NR1H4: variants seen among roughly 807,000 people sequenced by gnomAD.
NR1H4 encodes bile acid receptor.
NR1H4 carries 23 observed loss-of-function variants against 58.5 expected under a neutral mutation model. The observed-to-expected ratio is 0.39, with a 90% CI of 0.28 to 0.56. The LOEUF (loss-of-function observed/expected upper bound fraction) is 0.56, where lower values mean the gene tolerates loss of function less well. NR1H4 is among the 20% of genes least tolerant of loss of function. The probability of loss-of-function intolerance (pLI) is 0.58; values close to 1 mark genes in which losing one functional copy is unlikely to be tolerated. For synonymous variants in NR1H4, 214 were observed against 198.0 expected (o/e 1.08, Z -0.68); for missense variants, 487 against 576.9 (o/e 0.84, Z 1.60).
intron 1 of NR1H4, among the ~76,000 whole-genome samples, chr12:100,477,324 G>A (rs1566423206): frequency 6.6e-6 from 1 of 151,486 alleles, no homozygotes; most frequent in Non-Finnish European, 1.5e-5. Flanking sequence ...AATATAACAG[G>A]GTTCTGGTGA....
At chr12:100,528,360 C>T (rs1654467891) in intron 4 of NR1H4, among the ~76,000 whole-genome samples, 3 of 151,202 alleles carry the variant, frequency 2.0e-5, no homozygotes, top group Admixed American at 2.0e-4. Flanking sequence ...GAGTGAGGCT[C>T]CATCTGGGAA....
chr12:100,498,367 G>A (rs553493374), intron 3 of NR1H4, among the ~76,000 whole-genome samples: 3 of 152,166 alleles, frequency 2.0e-5, no homozygotes, highest in Non-Finnish European at 4.4e-5. Context: ...GGCTGGGCGC[G>A]GGGGCTCATG....
intron 9 of NR1H4, among the ~76,000 whole-genome samples, chr12:100,557,844 G>T (rs1343614860): frequency 1.3e-5 from 2 of 152,102 alleles, no homozygotes; most frequent in Non-Finnish European, 2.9e-5. Context: ...TTTAACTCTG[G>T]ATCTGGTTTG....
chr12:100,546,111 C>T (rs567902136), intron 9 of NR1H4, among the ~76,000 whole-genome samples: 8 of 152,266 alleles, frequency 5.3e-5, no homozygotes, highest in African/African-American at 1.9e-4. Context: ...GTCCTCAGCA[C>T]TCACAGGGCG....
chr12:100,493,460 T>C lies in NR1H4; in HGVS notation c.79+58T>C, dbSNP rs1953647047. The C allele has an allele frequency of 8.1e-6, 7 of 861,170 alleles. No individual in the cohort carries two copies. In the South Asian group the frequency reaches 8.5e-5, roughly 10 times the overall value. The allele number at this position is 861,170 out of a possible 1,614,324, so 53.3% of individuals were successfully genotyped here. A position where few individuals can be genotyped will look rare whatever the true frequency, so the allele number is the denominator to read the frequency against. On this transcript the variant is annotated intron_variant, in intron 3 of 10. Transcript: ENST00000392986. ...GAACAAACTACGATTTGGAAATACA[T>C]GAGGAAATGCCTAGATGATGAGTCC...
At chr12:100,503,429 T>C (rs777402336) in intron 3 of NR1H4, 3 of 1,597,628 alleles carry the variant, frequency 1.9e-6, no homozygotes, top group Non-Finnish European at 2.5e-6. Flanking sequence ...CAATTCAAAT[T>C]AGTCCTCACT....
At chr12:100,556,593 G>T (rs35735) in intron 9 of NR1H4, among the ~76,000 whole-genome samples, 80,181 of 151,890 alleles carry the variant, frequency 0.53, 21,884 homozygotes, top group Non-Finnish European at 0.61. Flanking sequence ...CTTAAAGCAG[G>T]TTACCCATGA....
chr12:100,525,507 A>G (rs1954533059), intron 4 of NR1H4: 2 of 152,346 alleles, frequency 1.3e-5, no homozygotes, highest in South Asian at 2.1e-4. Context: ...CCTAATCTTT[A>G]TAATGAAATC....
At position 100,513,803 on chromosome 12, in the gene NR1H4, AG is replaced by A. The variant is rs1455649476; in HGVS notation, c.445+2662del. 5.7e-3 allele frequency among the ~76,000 whole-genome samples: 19 copies of A among 3,354 alleles called. No individual in the cohort carries two copies. In the Admixed American group the frequency reaches 0.061, roughly 11 times the overall value. The allele number at this position is 3,354 out of a possible 152,430, so 2.2% of individuals were successfully genotyped here. On this transcript the variant is annotated intron_variant, in intron 4 of 10. Coordinates refer to ENST00000392986, the MANE Select transcript of NR1H4 (RefSeq NM_001206979.2). Reference sequence around the variant, plus strand: ...GAGCGAGACTCCGTCAAAGACAGAAAGGAAGGAAGGAAGGAAGGAAGGAAGG... The same window carrying A: ...GAGCGAGACTCCGTCAAAGACAGAAAGAAGGAAGGAAGGAAGGAAGGAAGG...
chr12:100,511,126 C>A lies in NR1H4; in HGVS notation c.428C>A (p.Thr143Asn). The A allele has an allele frequency of 6.2e-7, 1 of 1,614,216 alleles. No homozygotes were observed. Among genetic ancestry groups the A allele is most frequent in the Non-Finnish European group, 8.5e-7 (1 of 1,180,040 alleles). Reference sequence around the variant, plus strand: ...TCTGGATACCACTATAATGCACTGACCTGTGAGGGGTGTAAAGGTAAGCAT... The same window carrying A: ...TCTGGATACCACTATAATGCACTGAACTGTGAGGGGTGTAAAGGTAAGCAT... Reference protein sequence around the residue: ...RASGYHYNALTCEGCKGFFRR... With the variant: ...RASGYHYNALNCEGCKGFFRR... Residue 143 changes from threonine to asparagine, a missense_variant, in exon 4 of 11, where the codon ACC becomes AAC. By Grantham distance (65) the Thr-to-Asn change is moderately conservative. Coordinates refer to ENST00000392986, the MANE Select transcript of NR1H4 (RefSeq NM_001206979.2).
At chr12:100,545,698 C>T (rs578096891) in intron 9 of NR1H4, among the ~76,000 whole-genome samples, 1 of 140,202 alleles carries the variant, frequency 7.1e-6, no homozygotes, top group African/African-American at 2.7e-5. Flanking sequence ...TGCGTAATGT[C>T]TGGATCTATT....
intron 1 of NR1H4, among the ~76,000 whole-genome samples, chr12:100,486,716 C>T (rs903355369): frequency 6.6e-6 from 1 of 151,488 alleles, no homozygotes; most frequent in Non-Finnish European, 1.5e-5. Flanking sequence ...GATATTGATA[C>T]AAGAAGTAAC....
At chr12:100,531,636 T>G (rs2136225417) in intron 4 of NR1H4, among the ~76,000 whole-genome samples, 1 of 152,346 alleles carries the variant, frequency 6.6e-6, no homozygotes, top group South Asian at 2.1e-4. Flanking sequence ...AATCCTCTCC[T>G]GAATTCAACA....
At chr12:100,502,775 T>A (rs1374242429) in intron 3 of NR1H4, among the ~76,000 whole-genome samples, 1 of 152,178 alleles carries the variant, frequency 6.6e-6, no homozygotes, top group African/African-American at 2.4e-5. Context: ...GATGATTTTG[T>A]CTTACATGGT....
At chr12:100,552,400 C>A (rs995460460) in intron 9 of NR1H4, among the ~76,000 whole-genome samples, 1 of 152,086 alleles carries the variant, frequency 6.6e-6, no homozygotes, top group African/African-American at 2.4e-5. Flanking sequence ...ACAAATGACT[C>A]CCTGGGGAAA....
intron 9 of NR1H4, among the ~76,000 whole-genome samples, chr12:100,557,386 G>A (rs1034949542): frequency 5.3e-5 from 8 of 152,170 alleles, no homozygotes; most frequent in Non-Finnish European, 1.2e-4. Context: ...CATTCATGAG[G>A]GGTCTACCCC....
At chr12:100,529,295 C>T (rs1954635619) in intron 4 of NR1H4, among the ~76,000 whole-genome samples, 1 of 152,104 alleles carries the variant, frequency 6.6e-6, no homozygotes, top group South Asian at 2.1e-4. Context: ...CTCTTCTGTC[C>T]CACTTTAGTT....
At chr12:100,482,502 T>A (rs1291922839) in intron 1 of NR1H4, among the ~76,000 whole-genome samples, 2 of 152,228 alleles carry the variant, frequency 1.3e-5, no homozygotes, top group Non-Finnish European at 2.9e-5. Flanking sequence ...GAATTTATTG[T>A]GCATCTAAGA....
At chr12:100,491,021 T>C (rs1284457112) in intron 1 of NR1H4, among the ~76,000 whole-genome samples, 1 of 152,260 alleles carries the variant, frequency 6.6e-6, no homozygotes, top group South Asian at 2.1e-4. Flanking sequence ...TCTCGAACTC[T>C]TGGGCTTGAG....
Sources: allele counts gnomAD v4.1 joint callset (sites outside exome capture counted in the v4.1 genomes callset), GRCh38; gene constraint gnomAD v4.1.1; transcripts MANE v1.5; gene names NCBI Gene and HGNC (gene_info 2026-07-23, HGNC 2026-07-21).